TTI2: variants seen among roughly 807,000 people sequenced by gnomAD.
TTI2 encodes the protein TELO2-interacting protein 2.
In TTI2, 26 loss-of-function variants were observed where a neutral mutation model predicts 44.9. The observed-to-expected ratio is 0.58, with a 90% CI of 0.42 to 0.80. The LOEUF (loss-of-function observed/expected upper bound fraction) is 0.80. TTI2 is among the 30% of genes least tolerant of loss of function. The pLI is 0.00. For synonymous variants in TTI2, 254 were observed against 250.9 expected (o/e 1.01, Z -0.12); for missense variants, 582 against 611.6 (o/e 0.95, Z 0.51).
chr8:33,499,305 A>T, intron 7 of TTI2, 28 bp from the exon 8 acceptor site: 1 of 1,501,060 alleles, frequency 6.7e-7, no homozygotes. Flanking sequence ...ACAGGCTTTG[A>T]TATTTTTTTT....
chr8:33,509,192 C>A (rs1413231397), intron 3 of TTI2, among the ~76,000 whole-genome samples: 1 of 150,214 alleles, frequency 6.7e-6, no homozygotes, highest in Non-Finnish European at 1.5e-5. Flanking sequence ...GTGGCTCACG[C>A]CTGTAATCCC....
chr8:33,504,869 C>A (rs1424168556), intron 4 of TTI2, among the ~76,000 whole-genome samples: 5 of 152,132 alleles, frequency 3.3e-5, no homozygotes, highest in South Asian at 4.1e-4. Flanking sequence ...ACCTTAAGAA[C>A]CCCAGCCTTT....
At position 33,512,270 on chromosome 8, in the gene TTI2, T is replaced by C. The variant is rs745900770; in HGVS notation, c.344A>G (p.Gln115Arg). The C allele has an allele frequency of 1.2e-6, 2 of 1,614,194 alleles. No homozygotes were observed. The highest frequency in any genetic ancestry group is 1.7e-5 in the Admixed American group (1 of 60,016). The change falls in exon 2 of 8, where the codon CAA becomes CGA. Residue 115 changes from glutamine (Q) to arginine (R), a missense_variant. By Grantham distance (43) the Gln-to-Arg change is conservative. Coordinates refer to ENST00000431156, the MANE Select transcript of TTI2 (RefSeq NM_001102401.4). ...CAGTTTAAGAAACAGTAACCCAACT[T>C]GGGCTGCTTTCTCGGCCGCTTCGGA... Reference protein sequence around the residue: ...GHSEAAEKAAQVGLLFLKLLG... With the variant: ...GHSEAAEKAARVGLLFLKLLG...
chr8:33,501,872 A>AC (rs1163407129), intron 6 of TTI2, among the ~76,000 whole-genome samples: 2 of 152,180 alleles, frequency 1.3e-5, no homozygotes, highest in Non-Finnish European at 2.9e-5. Context: ...CCTGACACCT[A>AC]CCTCAAGCCA....
intron 4 of TTI2, among the ~76,000 whole-genome samples, chr8:33,505,796 G>T (rs567654359): frequency 7.1e-4 from 108 of 152,312 alleles, no homozygotes; most frequent in African/African-American, 2.5e-3. Context: ...TGTGACTACA[G>T]ACACGTGCCA....
intron 2 of TTI2, among the ~76,000 whole-genome samples, chr8:33,511,134 C>T (rs1809512943): frequency 6.6e-6 from 1 of 152,126 alleles, no homozygotes; most frequent in African/African-American, 2.4e-5. Flanking sequence ...TCTCTGCCTC[C>T]TGGTTTCAAG....
rs1808947676 is a variant in TTI2, at chr8:33,498,840, A to G, written c.*333T>C. On this transcript the variant is annotated 3_prime_UTR_variant, in exon 8 of 8. Transcript: ENST00000431156. ...TTGTGAACAAGAGTGTTTTTATAGCATATGTGTTGAAGTAACAGCTTGTGC... is the reference window on the plus strand; with the variant it reads ...TTGTGAACAAGAGTGTTTTTATAGCGTATGTGTTGAAGTAACAGCTTGTGC... 3.3e-6 allele frequency: 2 copies of G among 602,170 alleles called. No individual in the cohort carries two copies. Among genetic ancestry groups the G allele is most frequent in the Non-Finnish European group, 5.8e-6 (2 of 344,086 alleles). The allele number at this position is 602,170 out of a possible 1,614,324, so 37.3% of individuals were successfully genotyped here.
Position 33,509,937 on chromosome 8 carries a change from G to C in TTI2, c.648-5C>G. 1 of 1,323,134 alleles carries C rather than the reference G, an allele frequency of 7.6e-7. No homozygotes were observed. Among genetic ancestry groups the C allele is most frequent in the South Asian group, 1.2e-5 (1 of 86,054 alleles). 82.0% of individuals were successfully genotyped at this position (1,323,134 alleles called of 1,614,324 possible). A position where few individuals can be genotyped will look rare whatever the true frequency, so the allele number is the denominator to read the frequency against. ...GGGTTATTCTTCCAGGATTCCCTAAGTGAATACATAGAATTACATTAAGTG... is the reference window on the plus strand; with the variant it reads ...GGGTTATTCTTCCAGGATTCCCTAACTGAATACATAGAATTACATTAAGTG... On this transcript the variant is annotated splice_polypyrimidine_tract_variant and splice_region_variant and intron_variant, in intron 2 of 7. Coordinates refer to ENST00000431156, the MANE Select transcript of TTI2 (RefSeq NM_001102401.4).
chr8:33,512,412 A>G lies in TTI2; in HGVS notation c.202T>C (p.Phe68Leu), dbSNP rs1563356697. ...LIEATEFDRL[F>L]EGTGARLRGM... Reference sequence around the variant, plus strand: ...CGGAGCCGTGCACCAGTCCCCTCAAATAACCTATCAAATTCTGTGGCTTCT... The same window carrying G: ...CGGAGCCGTGCACCAGTCCCCTCAAGTAACCTATCAAATTCTGTGGCTTCT... Residue 68 changes from phenylalanine (F) to leucine (L), a missense_variant, in exon 2 of 8, where the codon TTT becomes CTT. Phe to Leu is a conservative substitution (Grantham distance 22). Coordinates refer to ENST00000431156, the MANE Select transcript of TTI2 (RefSeq NM_001102401.4). The G allele has an allele frequency of 6.2e-7, 1 of 1,614,070 alleles. No individual in the cohort carries two copies.
chr8:33,511,835 G>T, intron 2 of TTI2, 132 bp downstream of exon 2: 1 of 1,033,094 alleles, frequency 9.7e-7, no homozygotes, highest in Middle Eastern at 3.1e-4. Context: ...GTTGCAGTGA[G>T]CTGAGATCGC....
rs1475716906 is a variant in TTI2 at position 33,499,272 on chromosome 8, G to C, written c.1428C>G (p.Leu476=). ...DRCSQGRVKG[L]LAKIPQSCED... ...CACAGCTTTGGGGAATTTTGGCCAGGAGACCCTGAAACATGAAACCAAACA... is the reference window on the plus strand; with the variant it reads ...CACAGCTTTGGGGAATTTTGGCCAGCAGACCCTGAAACATGAAACCAAACA... The change falls in exon 8 of 8, where the codon CTC becomes CTG. Residue 476 remains leucine (L), a synonymous_variant. Transcript: ENST00000431156. 1 of 1,613,086 alleles carries C rather than the reference G, an allele frequency of 6.2e-7. No individual in the cohort carries two copies. Among genetic ancestry groups the C allele is most frequent in the Admixed American group, 1.7e-5 (1 of 59,984 alleles).
At chr8:33,504,539 T>TGGAA (rs2128828459) in intron 4 of TTI2, among the ~76,000 whole-genome samples, 1 of 152,108 alleles carries the variant, frequency 6.6e-6, no homozygotes, top group South Asian at 2.1e-4. Context: ...CTTCCTAAAG[T>TGGAA]GCTAGGATTT....
rs1160785561 is a variant in TTI2 at position 33,512,607 on chromosome 8, G to C, written c.7C>G (p.Leu3Val). 6.2e-7 allele frequency: 1 copy of C among 1,613,014 alleles called. No homozygotes were observed. The highest frequency in any genetic ancestry group is 8.5e-7 in the Non-Finnish European group (1 of 1,180,022). ...GATGGGGCTTCCAGAGCGCTGTCAA[G>C]CTCCATTCCTGACTGCAGCACCAGA... is the stretch of plus-strand genomic sequence containing the variant. MELDSALEAPSQE... is the reference protein window; with the variant it reads MEVDSALEAPSQE... The change falls in exon 2 of 8, where the codon CTT becomes GTT. Residue 3 changes from leucine to valine, a missense_variant. Transcript: ENST00000431156.
chr8:33,512,649 C>T lies in TTI2; in HGVS notation c.-36G>A, dbSNP rs780633266. 1 of 1,607,998 alleles carries T rather than the reference C, an allele frequency of 6.2e-7. No individual in the cohort carries two copies. Among genetic ancestry groups the T allele is most frequent in the Non-Finnish European group, 8.5e-7 (1 of 1,179,612 alleles). The stretch of plus-strand genomic sequence containing the variant: ...AGCACCAGAAGGCTGGTCTCTCCCA[C>T]AGAACGAGGATGGAGGCGGGGAGGG... On this transcript the variant is annotated 5_prime_UTR_variant, in exon 2 of 8. It adds an upstream start codon to the 5' untranslated region. Coordinates refer to ENST00000431156, the MANE Select transcript of TTI2 (RefSeq NM_001102401.4).
intron 7 of TTI2, chr8:33,499,577 A>C: frequency 3.4e-6 from 1 of 294,562 alleles, no homozygotes; most frequent in East Asian, 7.5e-5. Flanking sequence ...GGGCTTGAAA[A>C]CTGCCCAAGA....
chr8:33,507,406 A>T (rs1284270642), intron 3 of TTI2, 85 bp from the exon 4 acceptor site: 1 of 1,173,796 alleles, frequency 8.5e-7, no homozygotes, highest in Non-Finnish European at 1.3e-6. Context: ...GATTATGGGT[A>T]TGAAGCATGA....
At position 33,512,704 on chromosome 8, in the gene TTI2, C is replaced by T; in HGVS notation, c.-91G>A. On this transcript the variant is annotated 5_prime_UTR_variant, in exon 2 of 8. Coordinates refer to ENST00000431156, the MANE Select transcript of TTI2 (RefSeq NM_001102401.4). ...GTTGAAGAGGGAAGGAGCGATCACC[C>T]AAAGAGAACTAAAATCAAATAAAAT... The T allele has an allele frequency of 7.1e-7, 1 of 1,408,740 alleles. No homozygotes were observed. The highest frequency in any genetic ancestry group is 9.7e-7 in the Non-Finnish European group (1 of 1,026,476). The allele number at this position is 1,408,740 out of a possible 1,614,324, so 87.3% of individuals were successfully genotyped here. A position where few individuals can be genotyped will look rare whatever the true frequency, so the allele number is the denominator to read the frequency against.
rs867909748 is a variant in TTI2, at chr8:33,511,885, G to T, written c.647+82C>A. The stretch of plus-strand genomic sequence containing the variant: ...CCCTGGGCAACAAGAGTGAAACTCT[G>T]TCTCGAAAATAAATAAATAATAAAA... On this transcript the variant is annotated intron_variant, in intron 2 of 7. Transcript: ENST00000431156. The T allele has an allele frequency of 1.4e-5, 20 of 1,470,836 alleles. No homozygotes were observed. The Middle Eastern group carries it at 1.9e-3, about 143-fold the overall frequency. The allele number at this position is 1,470,836 out of a possible 1,614,324, so 91.1% of individuals were successfully genotyped here.
In TTI2 at chr8:33,504,367, G is replaced by A. The variant is rs144800262; in HGVS notation, c.928-432C>T. Among the ~76,000 whole-genome samples, 153 of 129,894 alleles carry A rather than the reference G, an allele frequency of 1.2e-3. 4 individuals carry two copies. In the East Asian group the frequency reaches 0.031, roughly 26 times the overall value. 85.2% of individuals were successfully genotyped at this position (129,894 alleles called of 152,430 possible). On this transcript the variant is annotated intron_variant, in intron 4 of 7. Transcript: ENST00000431156. ...GCTGAAGGACAGTGGTGCAATCTTG[G>A]CTCACTGCAACCTCCGCTTCTCAGG...
Sources: gnomAD v4.1 joint callset for allele counts (sites outside exome capture counted in the v4.1 genomes callset) on GRCh38, gnomAD v4.1.1 for gene constraint, MANE v1.5 for transcripts, NCBI Gene and HGNC (gene_info 2026-07-23, HGNC 2026-07-21) for gene names.